Variants in CFAP77 observed in about 807,000 individuals in gnomAD.
The protein encoded by CFAP77 is cilia- and flagella-associated protein 77.
Under a neutral mutation model 31.1 loss-of-function variants are expected in CFAP77, and 25 were observed. The ratio of observed to expected loss-of-function variants is 0.80; its 90% CI spans 0.59 to 1.12. The LOEUF is 1.12. CFAP77 is among the 50% of genes most tolerant of loss of function. The probability of loss-of-function intolerance (pLI) is 0.00; values close to 1 mark genes in which losing one functional copy is unlikely to be tolerated. For missense variants in CFAP77, 377 were observed against 397.3 expected (o/e 0.95, Z 0.44); for synonymous variants, 151 against 159.9 (o/e 0.94, Z 0.42).
At chr9:132,472,960 T>C (rs566718935) in intron 1 of CFAP77, among the ~76,000 whole-genome samples, 1 of 151,738 alleles carries the variant, frequency 6.6e-6, no homozygotes, top group South Asian at 2.1e-4. Flanking sequence ...AGAAAAGAGG[T>C]TTATTTGGCT....
rs1363752219 is a variant in CFAP77 at position 132,410,307 on chromosome 9, G to T, written c.36G>T (p.Thr12=). 6.3e-7 allele frequency: 1 copy of T among 1,593,960 alleles called. No homozygotes were observed. Among genetic ancestry groups the T allele is most frequent in the South Asian group, 1.1e-5 (1 of 89,216 alleles). The change falls in exon 1 of 6, where the codon ACG becomes ACT. Residue 12 remains threonine (T), a synonymous_variant. Coordinates refer to ENST00000393216, the MANE Select transcript of CFAP77 (RefSeq NM_001282957.2). Reference sequence around the variant, plus strand: ...CCAGGAGCTCCGGCCCGGACCTCACGCGATGGAGGAAGCAGCAGCAGCCTG... The same window carrying T: ...CCAGGAGCTCCGGCCCGGACCTCACTCGATGGAGGAAGCAGCAGCAGCCTG... ...PEARSSGPDL[T]RWRKQQQPVR... is the part of the protein sequence containing the mutation.
intron 3 of CFAP77, among the ~76,000 whole-genome samples, chr9:132,520,764 G>A (rs189855147): frequency 2.2e-4 from 33 of 152,248 alleles, no homozygotes; most frequent in African/African-American, 7.7e-4. Context: ...GTCCGGTGTG[G>A]ACCTGACCCA....
intron 1 of CFAP77, among the ~76,000 whole-genome samples, chr9:132,477,263 C>G (rs75820309): frequency 2.0e-5 from 3 of 152,196 alleles, no homozygotes; most frequent in African/African-American, 4.8e-5. Context: ...CAAGAGTAGA[C>G]CTGCTTCACA....
At chr9:132,486,030 A>ATG (rs1564223039) in intron 1 of CFAP77, among the ~76,000 whole-genome samples, 1 of 22,426 alleles carries the variant, frequency 4.5e-5, no homozygotes. Flanking sequence ...ATATATATAT[A>ATG]TATATATATA....
chr9:132,519,150 G>A (rs1235599089), intron 3 of CFAP77, among the ~76,000 whole-genome samples: 1 of 151,422 alleles, frequency 6.6e-6, no homozygotes, highest in Non-Finnish European at 1.5e-5. Context: ...TAGATGGTCC[G>A]GATGGGTGGA....
At chr9:132,463,323 G>C (rs745592802) in intron 1 of CFAP77, among the ~76,000 whole-genome samples, 2 of 152,224 alleles carry the variant, frequency 1.3e-5, no homozygotes, top group Non-Finnish European at 2.9e-5. Context: ...TGTGGTTTTA[G>C]AGTGTAGAAA....
intron 1 of CFAP77, among the ~76,000 whole-genome samples, chr9:132,420,535 C>T (rs181642877): frequency 2.0e-5 from 3 of 151,854 alleles, no homozygotes; most frequent in Admixed American, 6.6e-5. Flanking sequence ...GTGGTGCACA[C>T]CTGTAATCCC....
At chr9:132,489,956 T>C (rs1156374237) in intron 1 of CFAP77, among the ~76,000 whole-genome samples, 1 of 152,128 alleles carries the variant, frequency 6.6e-6, no homozygotes, top group Non-Finnish European at 1.5e-5. Context: ...GATGGGGCAA[T>C]ATAGAAAGAA....
chr9:132,559,269 CG>C (rs997822638), intron 5 of CFAP77, among the ~76,000 whole-genome samples: 1 of 139,674 alleles, frequency 7.2e-6, no homozygotes, highest in African/African-American at 2.8e-5. Flanking sequence ...GGCATGAACC[CG>C]GGAGGCGGAG....
In CFAP77 at chr9:132,438,537, A is replaced by ATTT. The variant is rs1181262639; in HGVS notation, c.195+28072_195+28073insTTT. Among the ~76,000 whole-genome samples the ATTT allele has an allele frequency of 4.0e-3, 464 of 116,108 alleles. 3 individuals are homozygous for ATTT. The highest frequency in any genetic ancestry group is 5.9e-3 in the Non-Finnish European group (352 of 59,744). 76.2% of individuals were successfully genotyped at this position (116,108 alleles called of 152,430 possible). ...AGATATGGTATATATATATATATAT[A>ATTT]TATATTTTTTTTTTTTTTTTTAGAC... On this transcript the variant is annotated intron_variant, in intron 1 of 5. Coordinates refer to ENST00000393216, the MANE Select transcript of CFAP77 (RefSeq NM_001282957.2).
At chr9:132,551,782 C>G (rs1278053038) in intron 5 of CFAP77, among the ~76,000 whole-genome samples, 1 of 152,214 alleles carries the variant, frequency 6.6e-6, no homozygotes, top group East Asian at 1.9e-4. Context: ...TGGCTGCCTC[C>G]AAGCCTCAGG....
chr9:132,569,984 T>C (rs537035705), intron 5 of CFAP77, among the ~76,000 whole-genome samples: 96 of 152,202 alleles, frequency 6.3e-4, no homozygotes, highest in Non-Finnish European at 1.1e-3. Context: ...CCGCCCACCT[T>C]GGCCTCCCAA....
In CFAP77 at chr9:132,455,448, C is replaced by T. The variant is rs1014526089; in HGVS notation, c.196-43247C>T. Among the ~76,000 whole-genome samples the T allele has an allele frequency of 6.7e-6, 1 of 150,174 alleles. No homozygotes were observed. The highest frequency in any genetic ancestry group is 3.2e-3 in the Middle Eastern group (1 of 308). The stretch of plus-strand genomic sequence containing the variant: ...GCTTGAAACCAGGAGGTGGAGGTTG[C>T]GGTGAGCTGAGATCGTGCCACTGTA... On this transcript the variant is annotated intron_variant, in intron 1 of 5. Coordinates refer to ENST00000393216, the MANE Select transcript of CFAP77 (RefSeq NM_001282957.2). This position sits in a 1 kb window ranked among gnomAD's most constrained non-coding sequence, Gnocchi z 4.1.
intron 3 of CFAP77, among the ~76,000 whole-genome samples, chr9:132,522,063 C>T (rs375054060): frequency 2.5e-4 from 38 of 152,254 alleles, no homozygotes; most frequent in African/African-American, 8.9e-4. Context: ...CACCCGGCCC[C>T]AGACTTGCAT....
chr9:132,464,105 G>A (rs1851109639), intron 1 of CFAP77, among the ~76,000 whole-genome samples: 1 of 152,176 alleles, frequency 6.6e-6, no homozygotes, highest in African/African-American at 2.4e-5. Context: ...CTTAGTGACT[G>A]ACAACAACAA....
intron 1 of CFAP77, among the ~76,000 whole-genome samples, chr9:132,491,668 G>A (rs550234850): frequency 6.6e-6 from 1 of 152,202 alleles, no homozygotes; most frequent in African/African-American, 2.4e-5. Context: ...TGTCACTCAT[G>A]GATTCCCCCC....
chr9:132,476,282 T>C (rs78876001), intron 1 of CFAP77, among the ~76,000 whole-genome samples: 3,420 of 152,136 alleles, frequency 0.022, 120 homozygotes, highest in African/African-American at 0.078. Flanking sequence ...ACTCAACCCT[T>C]ACTCACTGTG....
At chr9:132,423,798 C>A (rs746475025) in intron 1 of CFAP77, among the ~76,000 whole-genome samples, 2 of 152,220 alleles carry the variant, frequency 1.3e-5, no homozygotes, top group African/African-American at 2.4e-5. Flanking sequence ...GGGTAAATGG[C>A]AGGATTGGGG....
At chr9:132,451,821 T>C (rs1425084461) in intron 1 of CFAP77, among the ~76,000 whole-genome samples, 1 of 150,604 alleles carries the variant, frequency 6.6e-6, no homozygotes, top group East Asian at 1.9e-4. Flanking sequence ...TTTTTTTTTT[T>C]CCAGAAGGAG....
Sources: gnomAD v4.1 joint callset for allele counts (sites outside exome capture counted in the v4.1 genomes callset) on GRCh38, gnomAD v4.1.1 for gene constraint, Gnocchi (gnomAD v3.1) non-coding constraint, MANE v1.5 for transcripts, NCBI Gene and HGNC (gene_info 2026-07-23, HGNC 2026-07-21) for gene names.